The following XKR4 variants were observed in gnomAD, a reference collection of about 807,000 sequenced individuals.
XKR4 encodes the protein XK-related protein 4.
In XKR4, 12 loss-of-function variants were observed where a neutral mutation model predicts 53.9. That is an observed-to-expected ratio of 0.22 (90% CI 0.14 to 0.36). XKR4 has a LOEUF of 0.36. Among genes scored for constraint, XKR4 ranks in the 10% least tolerant of loss-of-function variants. The pLI, the probability that XKR4 is intolerant of heterozygous loss-of-function variation, is 1.00. For missense variants in XKR4, 799 were observed against 859.5 expected, an observed-to-expected ratio of 0.93 and a Z score of 0.88; for synonymous variants, 354 against 362.4, an observed-to-expected ratio of 0.98 and a Z score of 0.26.
intron 1 of XKR4, among the ~76,000 whole-genome samples, chr8:55,153,228 TACAA>T (rs1363474767): frequency 2.0e-5 from 3 of 152,244 alleles, no homozygotes; most frequent in Non-Finnish European, 4.4e-5. Flanking sequence ...TTACTCAACT[TACAA>T]ACAATTCTTG....
intron 2 of XKR4, among the ~76,000 whole-genome samples, chr8:55,431,630 T>C (rs1356161641): frequency 2.0e-5 from 3 of 152,242 alleles, no homozygotes; most frequent in Non-Finnish European, 4.4e-5. Flanking sequence ...ATAAGACAGA[T>C]AGTGTGTACA....
chr8:55,468,247 C>T (rs140404420), intron 2 of XKR4, among the ~76,000 whole-genome samples: 1 of 152,188 alleles, frequency 6.6e-6, no homozygotes, highest in South Asian at 2.1e-4. Flanking sequence ...ATGACTTGGT[C>T]GTGGGAAATA....
intron 2 of XKR4, among the ~76,000 whole-genome samples, chr8:55,515,188 T>C (rs1806694297): frequency 6.6e-6 from 1 of 152,182 alleles, no homozygotes; most frequent in African/African-American, 2.4e-5. Context: ...GTAGAAATCC[T>C]CCAAATGGAT....
At chr8:55,403,879 G>A (rs1459346444) in intron 2 of XKR4, among the ~76,000 whole-genome samples, 1 of 152,168 alleles carries the variant, frequency 6.6e-6, no homozygotes, top group Non-Finnish European at 1.5e-5. Flanking sequence ...TCACTGATGA[G>A]ACCTGGCAAG....
chr8:55,336,676 A>T (rs1803465923), intron 1 of XKR4, among the ~76,000 whole-genome samples: 1 of 152,178 alleles, frequency 6.6e-6, no homozygotes, highest in African/African-American at 2.4e-5. Flanking sequence ...AAAATAATGC[A>T]TATTAAACAC....
chr8:55,269,632 A>G (rs1363875526), intron 1 of XKR4, among the ~76,000 whole-genome samples: 1 of 152,216 alleles, frequency 6.6e-6, no homozygotes, highest in Non-Finnish European at 1.5e-5. Flanking sequence ...TGTCATGGTA[A>G]ATAACAGCTC....
At chr8:55,174,051 C>G (rs1817198621) in intron 1 of XKR4, among the ~76,000 whole-genome samples, 1 of 148,962 alleles carries the variant, frequency 6.7e-6, no homozygotes, top group African/African-American at 2.6e-5. Context: ...AGCATCAAAT[C>G]ATTGTTCTAA....
chr8:55,158,949 C>T (rs1251890706), intron 1 of XKR4, among the ~76,000 whole-genome samples: 1 of 152,102 alleles, frequency 6.6e-6, no homozygotes, highest in African/African-American at 2.4e-5. Flanking sequence ...CTTAGAATTA[C>T]CTCGGACATT....
intron 1 of XKR4, among the ~76,000 whole-genome samples, chr8:55,233,769 A>C (rs1245180185): frequency 6.6e-6 from 1 of 152,150 alleles, no homozygotes; most frequent in Non-Finnish European, 1.5e-5. Context: ...ATTTCCTTAA[A>C]CCCATTGAAA....
intron 1 of XKR4, among the ~76,000 whole-genome samples, chr8:55,304,035 G>C (rs1275631229): frequency 1.4e-4 from 21 of 151,968 alleles, no homozygotes; most frequent in Admixed American, 7.9e-4. Flanking sequence ...CTTGCCTTCT[G>C]CTAGCTTTTG....
At chr8:55,224,242 A>G (rs139506431) in intron 1 of XKR4, among the ~76,000 whole-genome samples, 15 of 152,202 alleles carry the variant, frequency 9.9e-5, no homozygotes, top group Admixed American at 2.6e-4. Context: ...TTAAATTTCT[A>G]CCTTTTAAAA....
At chr8:55,504,629 A>C (rs1392947930) in intron 2 of XKR4, among the ~76,000 whole-genome samples, 1 of 152,134 alleles carries the variant, frequency 6.6e-6, no homozygotes, top group Non-Finnish European at 1.5e-5. Flanking sequence ...AGAAGGATTT[A>C]TGGTAATTCC....
At chr8:55,265,399 G>A (rs528154832) in intron 1 of XKR4, among the ~76,000 whole-genome samples, 1 of 152,348 alleles carries the variant, frequency 6.6e-6, no homozygotes, top group African/African-American at 2.4e-5. Flanking sequence ...AGATCCCCAT[G>A]TGGCTCCAAG....
intron 1 of XKR4, chr8:55,142,306 G>C: frequency 2.4e-6 from 1 of 408,186 alleles, no homozygotes; most frequent in Middle Eastern, 3.7e-4. Context: ...GTACACACTG[G>C]TCTCTTCAGA....
At chr8:55,426,896 T>C (rs1805024333) in intron 2 of XKR4, among the ~76,000 whole-genome samples, 1 of 152,236 alleles carries the variant, frequency 6.6e-6, no homozygotes, top group South Asian at 2.1e-4. Flanking sequence ...AATTGATTTT[T>C]AAATATTGAC....
intron 2 of XKR4, among the ~76,000 whole-genome samples, chr8:55,430,551 G>T (rs143049751): frequency 6.6e-6 from 1 of 152,174 alleles, no homozygotes; most frequent in South Asian, 2.1e-4. Flanking sequence ...GGCTGAAAAC[G>T]GTGATGGAAA....
At chr8:55,395,904 A>C (rs1009947386) in intron 2 of XKR4, among the ~76,000 whole-genome samples, 1 of 152,208 alleles carries the variant, frequency 6.6e-6, no homozygotes, top group African/African-American at 2.4e-5. Context: ...AAGACTGGAC[A>C]GTCCATGGTA....
chr8:55,351,280 C>T (rs527769114), intron 1 of XKR4, among the ~76,000 whole-genome samples: 60 of 152,106 alleles, frequency 3.9e-4, no homozygotes, highest in African/African-American at 1.4e-3. Context: ...TCTGTATGTG[C>T]AGTATTAGAA....
chr8:55,330,402 C>T (rs1281208577), intron 1 of XKR4, among the ~76,000 whole-genome samples: 3 of 151,932 alleles, frequency 2.0e-5, no homozygotes, highest in Non-Finnish European at 4.4e-5. Flanking sequence ...TGAAAAAATG[C>T]CCAGAAGGGA....
Sources: gnomAD v4.1 joint callset for allele counts (sites outside exome capture counted in the v4.1 genomes callset) on GRCh38, gnomAD v4.1.1 for gene constraint, MANE v1.5 for transcripts, NCBI Gene and HGNC (gene_info 2026-07-23, HGNC 2026-07-21) for gene names.